The following SCAPER variants were observed in gnomAD, a reference collection of about 807,000 sequenced individuals.
SCAPER encodes S phase cyclin A-associated protein in the endoplasmic reticulum.
In SCAPER, 98 loss-of-function variants were observed where a neutral mutation model predicts 182.2. The ratio of observed to expected loss-of-function variants is 0.54; its 90% CI spans 0.46 to 0.64. The LOEUF is 0.64. Among genes scored for constraint, SCAPER ranks in the 30% least tolerant of loss-of-function variants. SCAPER has a pLI of 0.00. For missense variants in SCAPER, 1,432 were observed against 1,690.0 expected (o/e 0.85, Z 2.68); for synonymous variants, 605 against 564.6 (o/e 1.07, Z -1.01).
intron 28 of SCAPER, among the ~76,000 whole-genome samples, chr15:76,378,481 T>A (rs1427305079): frequency 6.6e-6 from 1 of 152,214 alleles, no homozygotes. Flanking sequence ...ATCACAAAAA[T>A]AGTAGTTTTC....
intron 19 of SCAPER, among the ~76,000 whole-genome samples, chr15:76,702,308 A>T (rs187156621): frequency 1.3e-5 from 2 of 152,250 alleles, no homozygotes; most frequent in Admixed American, 1.3e-4. Flanking sequence ...TTGGGCTATC[A>T]CATTAAGCAG....
intron 22 of SCAPER, among the ~76,000 whole-genome samples, chr15:76,581,600 G>A (rs1158094369): frequency 8.5e-5 from 13 of 152,068 alleles, no homozygotes; most frequent in Admixed American, 8.5e-4. Context: ...ATTTATTTTT[G>A]TTTGGAGACA....
chr15:76,452,857 T>TTA (rs1555440290), intron 25 of SCAPER, among the ~76,000 whole-genome samples: 7 of 152,044 alleles, frequency 4.6e-5, no homozygotes, highest in African/African-American at 1.7e-4. Context: ...TTTTTTTTTT[T>TTA]AGAGATAGAG....
rs56660301 is a variant in SCAPER, at chr15:76,535,521, C to CAAAA, written c.2839-30551_2839-30548dup. 1.5e-4 allele frequency among the ~76,000 whole-genome samples: 7 copies of CAAAA among 46,626 alleles called. 1 individual carries two copies. Among genetic ancestry groups the CAAAA allele is most frequent in the African/African-American group, 2.6e-4 (4 of 15,148 alleles). The allele number at this position is 46,626 out of a possible 152,430, so 30.6% of individuals were successfully genotyped here. A position where few individuals can be genotyped will look rare whatever the true frequency, so the allele number is the denominator to read the frequency against. ...TGGGCGACAGAGCAAGACTCTGTCT[C>CAAAA]AAAAAAAAAAAAAAAAAAAAAAAAA... is the stretch of plus-strand genomic sequence containing the variant. On this transcript the variant is annotated intron_variant, in intron 23 of 31. Transcript: ENST00000563290.
chr15:76,652,172 C>T (rs908243582), intron 21 of SCAPER, among the ~76,000 whole-genome samples: 2 of 142,836 alleles, frequency 1.4e-5, no homozygotes, highest in Non-Finnish European at 3.0e-5. Flanking sequence ...AATCCCAGCA[C>T]TTTGGAAGGC....
intron 18 of SCAPER, among the ~76,000 whole-genome samples, chr15:76,703,604 C>G (rs1256307646): frequency 6.6e-6 from 1 of 152,112 alleles, no homozygotes; most frequent in African/African-American, 2.4e-5. Context: ...ATCGCACCTA[C>G]CTATCCATTT....
intron 26 of SCAPER, among the ~76,000 whole-genome samples, chr15:76,425,387 C>G (rs1177045405): frequency 6.6e-6 from 1 of 152,198 alleles, no homozygotes; most frequent in East Asian, 1.9e-4. Flanking sequence ...CACTGATACC[C>G]TTTCTTCCAG....
At chr15:76,828,493 TAAAC>T (rs1323265062) in intron 5 of SCAPER, among the ~76,000 whole-genome samples, 1 of 152,164 alleles carries the variant, frequency 6.6e-6, no homozygotes, top group Non-Finnish European at 1.5e-5. Context: ...AGTGTCATGT[TAAAC>T]AGAGTAAAAA....
chr15:76,355,243 A>G (rs189618072), intron 29 of SCAPER, among the ~76,000 whole-genome samples: 79 of 152,364 alleles, frequency 5.2e-4, no homozygotes, highest in Non-Finnish European at 9.6e-4. Flanking sequence ...CAACAAAGTA[A>G]TAGTTCACAT....
intron 27 of SCAPER, among the ~76,000 whole-genome samples, chr15:76,402,369 A>C (rs1260042008): frequency 2.6e-5 from 4 of 152,198 alleles, no homozygotes; most frequent in Non-Finnish European, 4.4e-5. Flanking sequence ...TGAGGCAGAG[A>C]AATACAGAAA....
At chr15:76,792,380 TA>T (rs2065056926) in intron 8 of SCAPER, among the ~76,000 whole-genome samples, 1 of 152,124 alleles carries the variant, frequency 6.6e-6, no homozygotes, top group Non-Finnish European at 1.5e-5. Context: ...ACTGGCAATC[TA>T]AAGTTAGATT....
chr15:76,766,411 A>T (rs1462268783), intron 11 of SCAPER, among the ~76,000 whole-genome samples: 1 of 152,142 alleles, frequency 6.6e-6, no homozygotes. Flanking sequence ...TTGTTAATAG[A>T]ATACAAAAGT....
chr15:76,431,637 T>C (rs536852667), intron 26 of SCAPER, among the ~76,000 whole-genome samples: 2 of 128,320 alleles, frequency 1.6e-5, no homozygotes, highest in South Asian at 4.9e-4. Context: ...TGTCAGTTCA[T>C]ATCTGGGAAG....
At chr15:76,731,947 A>C (rs937861404) in intron 16 of SCAPER, among the ~76,000 whole-genome samples, 21 of 152,252 alleles carry the variant, frequency 1.4e-4, no homozygotes, top group Non-Finnish European at 2.9e-5. Flanking sequence ...CAAAATGCAG[A>C]GTAAGGAACC....
intron 19 of SCAPER, among the ~76,000 whole-genome samples, chr15:76,702,628 T>A (rs906818933): frequency 1.3e-5 from 2 of 152,094 alleles, no homozygotes; most frequent in African/African-American, 4.8e-5. Flanking sequence ...TTTGTATTTT[T>A]AGTAGAGACA....
At chr15:76,417,616 C>G (rs909925424) in intron 26 of SCAPER, among the ~76,000 whole-genome samples, 2 of 152,150 alleles carry the variant, frequency 1.3e-5, no homozygotes, top group African/African-American at 2.4e-5. Flanking sequence ...GTCTGAGGTA[C>G]CTGTGGTACA....
intron 1 of SCAPER, among the ~76,000 whole-genome samples, chr15:76,903,071 A>AAC (rs538811932): frequency 3.5e-4 from 53 of 150,984 alleles, no homozygotes; most frequent in African/African-American, 1.2e-3. Context: ...AAAAAAAAAA[A>AAC]AAAGAAAGTG....
chr15:76,597,250 G>T (rs1432232094), intron 22 of SCAPER, among the ~76,000 whole-genome samples: 2 of 121,266 alleles, frequency 1.6e-5, no homozygotes, highest in Admixed American at 9.4e-5. Flanking sequence ...ACTTACACGG[G>T]ATGTGAAGGA....
chr15:76,812,497 A>AGAAAG lies in SCAPER; in HGVS notation c.394-7865_394-7864insCTTTC, dbSNP rs1555616449. On this transcript the variant is annotated intron_variant, in intron 5 of 31. Transcript: ENST00000563290. ...AGTGAGACTCTGAAAAAAAAAAAAA[A>AGAAAG]AAAGAAAGAAAGAAAGAAAGACAGA... Among the ~76,000 whole-genome samples, 7 of 122,412 alleles carry AGAAAG rather than the reference A, an allele frequency of 5.7e-5. No individual in the cohort carries two copies. In the East Asian group the frequency reaches 1.5e-3, roughly 26 times the overall value. 80.3% of individuals were successfully genotyped at this position (122,412 alleles called of 152,430 possible). A position where few individuals can be genotyped will look rare whatever the true frequency, so the allele number is the denominator to read the frequency against.
Sources: gnomAD v4.1 joint callset for allele counts (sites outside exome capture counted in the v4.1 genomes callset) on GRCh38, gnomAD v4.1.1 for gene constraint, MANE v1.5 for transcripts, NCBI Gene and HGNC (gene_info 2026-07-23, HGNC 2026-07-21) for gene names.